Variants in UNC5D observed in about 807,000 individuals in gnomAD.
UNC5D encodes the protein unc-5 netrin receptor D, also known as netrin receptor UNC5D.
In UNC5D, 39 loss-of-function variants were observed where a neutral mutation model predicts 105.4. The ratio of observed to expected loss-of-function variants is 0.37; its 90% CI spans 0.29 to 0.48. UNC5D has a LOEUF of 0.48. Among genes scored for constraint, UNC5D ranks in the 20% least tolerant of loss-of-function variants. The pLI is 0.98. For synonymous variants in UNC5D, 452 were observed against 450.4 expected (o/e 1.00, Z -0.04); for missense variants, 991 against 1,202.4 (o/e 0.82, Z 2.60).
intron 1 of UNC5D, among the ~76,000 whole-genome samples, chr8:35,277,747 A>G (rs529837211): frequency 1.3e-5 from 2 of 152,306 alleles, no homozygotes; most frequent in Non-Finnish European, 2.9e-5. Context: ...AAAATAATAA[A>G]TTTAAAATAA....
intron 3 of UNC5D, among the ~76,000 whole-genome samples, chr8:35,576,131 T>A (rs1818073365): frequency 6.6e-6 from 1 of 152,120 alleles, no homozygotes; most frequent in African/African-American, 2.4e-5. Context: ...AAAATGAAAA[T>A]ATGGAGCCCT....
At chr8:35,443,707 T>C (rs567959905) in intron 1 of UNC5D, among the ~76,000 whole-genome samples, 41 of 152,022 alleles carry the variant, frequency 2.7e-4, no homozygotes, top group Non-Finnish European at 4.7e-4. Context: ...TACAAGACTA[T>C]TTTGTAAATG....
chr8:35,449,563 C>A (rs1178864575), intron 1 of UNC5D, among the ~76,000 whole-genome samples: 1 of 152,164 alleles, frequency 6.6e-6, no homozygotes, highest in Non-Finnish European at 1.5e-5. Flanking sequence ...ACAATAAGCA[C>A]AACAGATTTG....
chr8:35,592,015 T>C (rs2130886545), intron 3 of UNC5D, among the ~76,000 whole-genome samples: 1 of 152,350 alleles, frequency 6.6e-6, no homozygotes, highest in East Asian at 1.9e-4. Flanking sequence ...AATTTCATTA[T>C]ATTAATATTT....
At chr8:35,330,233 T>C (rs1329844448) in intron 1 of UNC5D, among the ~76,000 whole-genome samples, 1 of 152,204 alleles carries the variant, frequency 6.6e-6, no homozygotes, top group Non-Finnish European at 1.5e-5. Flanking sequence ...TGTCACATAT[T>C]AACTGCTCAA....
intron 1 of UNC5D, among the ~76,000 whole-genome samples, chr8:35,384,302 G>A (rs1412305222): frequency 6.6e-6 from 1 of 152,054 alleles, no homozygotes; most frequent in Non-Finnish European, 1.5e-5. Flanking sequence ...GTTTCCCACG[G>A]TATTTAGAAC....
Position 35,595,556 on chromosome 8 carries a change from T to G in UNC5D, c.469T>G (p.Leu157Val), listed in dbSNP as rs780339316. The G allele has an allele frequency of 6.2e-7, 1 of 1,613,942 alleles. No homozygotes were observed. The highest frequency in any genetic ancestry group is 8.5e-7 in the Non-Finnish European group (1 of 1,179,918). ...ACCTATCTCATGCTTCTTTGCAGAT[T>G]TACGGAAAAACTTTGAACAAGACCC... ...SRKASVRIAY[L>V]RKNFEQDPQG... Residue 157 changes from leucine to valine, a missense_variant and splice_region_variant, in exon 4 of 17, where the codon TTA (leucine) becomes GTA (valine). By Grantham distance (32) the Leu-to-Val change is conservative (BLOSUM62 1). Around this residue, in one of 3 missense-constraint regions of UNC5D, gnomAD observed 944 missense variants for 1,131.6 expected, o/e 0.83. Coordinates refer to ENST00000404895, the MANE Select transcript of UNC5D (RefSeq NM_080872.4).
intron 1 of UNC5D, among the ~76,000 whole-genome samples, chr8:35,429,768 T>G (rs2128974023): frequency 6.6e-6 from 1 of 152,262 alleles, no homozygotes; most frequent in African/African-American, 2.4e-5. Context: ...CTTAGGATCC[T>G]TTGTGATTTC....
chr8:35,576,880 T>C (rs1000338005), intron 3 of UNC5D, among the ~76,000 whole-genome samples: 1 of 152,312 alleles, frequency 6.6e-6, no homozygotes, highest in East Asian at 1.9e-4. Flanking sequence ...CCCAAAGTGC[T>C]AGGATTACAG....
At chr8:35,754,020 G>A (rs1000139797) in intron 13 of UNC5D, among the ~76,000 whole-genome samples, 2 of 152,180 alleles carry the variant, frequency 1.3e-5, no homozygotes, top group African/African-American at 4.8e-5. Context: ...TCATTTCATA[G>A]TGTGATAGCT....
At chr8:35,245,932 C>G (rs1469106324) in intron 1 of UNC5D, among the ~76,000 whole-genome samples, 4 of 152,126 alleles carry the variant, frequency 2.6e-5, no homozygotes, top group African/African-American at 9.7e-5. Flanking sequence ...ACAATTTTGA[C>G]TCAAAAGTCA....
intron 15 of UNC5D, among the ~76,000 whole-genome samples, chr8:35,771,344 C>G (rs1403479562): frequency 2.6e-5 from 4 of 152,112 alleles, no homozygotes; most frequent in Non-Finnish European, 5.9e-5. Context: ...ATGGACACTT[C>G]CAATGTTTTC....
intron 1 of UNC5D, among the ~76,000 whole-genome samples, chr8:35,293,505 A>G (rs933188902): frequency 2.0e-5 from 3 of 152,142 alleles, no homozygotes; most frequent in African/African-American, 7.2e-5. Flanking sequence ...ATCTCCATCA[A>G]GTCATCTTCC....
At chr8:35,544,538 A>G (rs368706701) in intron 1 of UNC5D, 49 of 1,611,916 alleles carry the variant, frequency 3.0e-5, no homozygotes, top group South Asian at 1.1e-4. Flanking sequence ...TTCACCAGGT[A>G]AGGCAGGAAC....
intron 12 of UNC5D, among the ~76,000 whole-genome samples, chr8:35,749,363 C>T (rs1830154090): frequency 6.6e-6 from 1 of 152,146 alleles, no homozygotes; most frequent in Non-Finnish European, 1.5e-5. Flanking sequence ...GATTTTTCTG[C>T]CTGATAGAGC....
At chr8:35,648,355 C>T (rs565262734) in intron 4 of UNC5D, among the ~76,000 whole-genome samples, 9 of 152,096 alleles carry the variant, frequency 5.9e-5, no homozygotes, top group Non-Finnish European at 1.2e-4. Flanking sequence ...CCACAATATC[C>T]TCACAGGCCT....
intron 10 of UNC5D, among the ~76,000 whole-genome samples, chr8:35,728,095 A>ATATATATATATATATAT (rs1554596594): frequency 9.1e-6 from 1 of 110,364 alleles, no homozygotes; most frequent in African/African-American, 5.5e-5. Context: ...AAAAAAAAAA[A>ATATATATATATATATAT]ATATATATAT....
intron 3 of UNC5D, among the ~76,000 whole-genome samples, chr8:35,572,635 A>G (rs1817817493): frequency 6.6e-6 from 1 of 152,172 alleles, no homozygotes; most frequent in South Asian, 2.1e-4. Context: ...GCATGTTTGT[A>G]TCAAGTTGTA....
At chr8:35,463,484 T>A (rs1371328511) in intron 1 of UNC5D, among the ~76,000 whole-genome samples, 2 of 152,140 alleles carry the variant, frequency 1.3e-5, no homozygotes, top group Non-Finnish European at 2.9e-5. Flanking sequence ...TGCTATGTGA[T>A]CTTACAGAAG....
Sources: gnomAD v4.1 joint callset for allele counts (sites outside exome capture counted in the v4.1 genomes callset) on GRCh38, gnomAD v4.1.1 for gene constraint, gnomAD v4.1.1 regional missense constraint, MANE v1.5 for transcripts, NCBI Gene and HGNC (gene_info 2026-07-23, HGNC 2026-07-21) for gene names.